HK3: variants seen among roughly 807,000 people sequenced by gnomAD.
HK3 encodes the protein hexokinase 3.
In HK3, 93 loss-of-function variants were observed where a neutral mutation model predicts 91.0. The ratio of observed to expected loss-of-function variants is 1.02; its 90% confidence interval spans 0.86 to 1.21. The LOEUF (loss-of-function observed/expected upper bound fraction) is 1.21. HK3 is among the 50% of genes most tolerant of loss of function. HK3 has a pLI of 0.00. For synonymous variants in HK3, 519 were observed against 516.9 expected, an observed-to-expected ratio of 1.00 and a Z score of -0.06; for missense variants, 1,235 against 1,247.4, an observed-to-expected ratio of 0.99 and a Z score of 0.15.
Position 176,881,080 on chromosome 5 carries a change from C to T in HK3, c.2765G>A (p.Arg922His), listed in dbSNP as rs150401292. Reference protein sequence around the residue: ...AVACRLAQLTRV With the variant: ...AVACRLAQLTHV ...CTCAGCCTGGAGGTTTCCTCAGACA[C>T]GAGTCAACTGCGCAAGGCGGCAGGC... The change falls in exon 19 of 19, where the codon CGT (arginine) becomes CAT (histidine). Residue 922 changes from arginine to histidine, a missense_variant. By Grantham distance (29) the Arg-to-His change is conservative (BLOSUM62 0). This residue lies in a region of HK3 where 513 missense variants were observed against 477.4 expected (regional missense o/e 1.07). Coordinates refer to ENST00000292432, the MANE Select transcript of HK3 (RefSeq NM_002115.3). 1.9e-4 allele frequency: 305 copies of T among 1,602,366 alleles called. No homozygotes were observed. Among genetic ancestry groups the T allele is most frequent in the African/African-American group, 2.5e-4 (19 of 74,586 alleles).
Position 176,890,934 on chromosome 5 carries a change from T to A in HK3, c.422A>T (p.Asp141Val), listed in dbSNP as rs1380523842. Residue 141 changes from aspartate (D) to valine (V), a missense_variant, in exon 5 of 19, where the codon GAC (aspartate) becomes GTC (valine). Physicochemically the swap from Asp to Val is radical, Grantham distance 152 (BLOSUM62 -3). Transcript: ENST00000292432. ...CTCAGACAGGCAGTGGGCAGCAAAG[T>A]CAAAGAGCTGCAGGAGAAGTGGGGG... is the stretch of plus-strand genomic sequence containing the variant. ...VMLGAGQQLF[D>V]FAAHCLSEFL... The A allele has an allele frequency of 1.2e-6, 2 of 1,613,834 alleles. No individual in the cohort carries two copies. The highest frequency in any genetic ancestry group is 1.7e-6 in the Non-Finnish European group (2 of 1,180,032).
intron 2 of HK3, among the ~76,000 whole-genome samples, chr5:176,894,567 T>G (rs902064066): frequency 6.6e-6 from 1 of 151,998 alleles, no homozygotes; most frequent in African/African-American, 2.4e-5. Flanking sequence ...GGCACGGCTG[T>G]GGGTCAGGCA....
At position 176,887,137 on chromosome 5, in the gene HK3, G is replaced by C. The variant is rs199959201; in HGVS notation, c.1738-16C>G. ...GGTCAAAGAGCTGTGGGGCAGGACA[G>C]GTCAGGCGTAGGCACTGCTCAGCCC... On this transcript the variant is annotated splice_polypyrimidine_tract_variant and intron_variant, in intron 12 of 18. Coordinates refer to ENST00000292432, the MANE Select transcript of HK3 (RefSeq NM_002115.3). The surrounding 1 kb of genome is among the most constrained non-coding windows in gnomAD (Gnocchi z 4.9). The C allele has an allele frequency of 1.9e-6, 3 of 1,614,108 alleles. No homozygotes were observed. Among genetic ancestry groups the C allele is most frequent in the Non-Finnish European group, 2.5e-6 (3 of 1,180,050 alleles).
In HK3 at chr5:176,881,298, T is replaced by C; in HGVS notation, c.2627+4A>G. The C allele has an allele frequency of 6.2e-7, 1 of 1,613,580 alleles. No homozygotes were observed. The highest frequency in any genetic ancestry group is 8.5e-7 in the Non-Finnish European group (1 of 1,179,852). ...CCCTCCCCAGCCCGCACACCCAGACTCACCGCGGGTGCAGCTTGTAGAGCG... is the reference window on the plus strand; with the variant it reads ...CCCTCCCCAGCCCGCACACCCAGACCCACCGCGGGTGCAGCTTGTAGAGCG... On this transcript the variant is annotated splice_donor_region_variant and intron_variant, in intron 18 of 18. Transcript: ENST00000292432.
At chr5:176,898,686 G>T (rs1240876372) in intron 1 of HK3, among the ~76,000 whole-genome samples, 2 of 152,208 alleles carry the variant, frequency 1.3e-5, no homozygotes, top group Non-Finnish European at 2.9e-5. Flanking sequence ...TGTGGGGAGG[G>T]ACATGTCTCC....
rs1198487028 is a variant in HK3 at position 176,891,469 on chromosome 5, G to C, written c.178C>G (p.Gln60Glu). ...GGGCTGGCCTGTCCCCTCAGCGCCT[G>C]CTCCATGGAACCCAAGAGGCTGGCT... ...IQASLLGSME[Q>E]ALRGQASPAP... The change falls in exon 3 of 19, where the codon CAG becomes GAG. Residue 60 changes from glutamine (Q) to glutamate (E), a missense_variant. Around this residue, in one of 3 missense-constraint regions of HK3, gnomAD observed 717 missense variants for 751.6 expected, o/e 0.95. Coordinates refer to ENST00000292432, the MANE Select transcript of HK3 (RefSeq NM_002115.3). 2 of 1,614,184 alleles carry C rather than the reference G, an allele frequency of 1.2e-6. No homozygotes were observed. Among genetic ancestry groups the C allele is most frequent in the Admixed American group, 3.3e-5 (2 of 60,026 alleles).
At chr5:176,893,691 C>T (rs1758835877) in intron 2 of HK3, among the ~76,000 whole-genome samples, 1 of 152,140 alleles carries the variant, frequency 6.6e-6, no homozygotes, top group Non-Finnish European at 1.5e-5. Context: ...AAGTCAATGG[C>T]TTGGGCAAAT....
chr5:176,882,195 A>G, intron 15 of HK3, 68 bp from the exon 16 acceptor site: 1 of 1,535,620 alleles, frequency 6.5e-7, no homozygotes, highest in Non-Finnish European at 8.9e-7. Flanking sequence ...AGCACTTCCC[A>G]TACCGAGATG....
At chr5:176,882,674 C>T (rs772724575) in intron 15 of HK3, among the ~76,000 whole-genome samples, 3 of 152,240 alleles carry the variant, frequency 2.0e-5, no homozygotes, top group Admixed American at 1.3e-4. Flanking sequence ...CGGGGCGAGT[C>T]TCTGCCAACA....
intron 8 of HK3, 84 bp downstream of exon 8, chr5:176,889,297 T>G: frequency 6.9e-7 from 1 of 1,454,634 alleles, no homozygotes; most frequent in East Asian, 2.3e-5. Context: ...CCTAAGGGCC[T>G]GAGAACAGGG....
Position 176,881,995 on chromosome 5 carries a change from G to A in HK3, c.2186C>T (p.Thr729Ile). Residue 729 changes from threonine (T) to isoleucine (I), a missense_variant, in exon 16 of 19, where the codon ACC becomes ATC. Around this residue, in one of 3 missense-constraint regions of HK3, gnomAD observed 513 missense variants for 477.4 expected, o/e 1.07. Coordinates refer to ENST00000292432, the MANE Select transcript of HK3 (RefSeq NM_002115.3). ...GDDGSLAMLS[T>I]RFDASVDQAS... is the part of the protein sequence containing the mutation. ...CTGGTCCACACTTGCATCAAAGCGG[G>A]TGCTGAGCATGGCCAGAGAGCCATC... is the stretch of plus-strand genomic sequence containing the variant. 1 of 1,613,516 alleles carries A rather than the reference G, an allele frequency of 6.2e-7. No individual in the cohort carries two copies. Among genetic ancestry groups the A allele is most frequent in the African/African-American group, 1.3e-5 (1 of 75,032 alleles).
intron 15 of HK3, among the ~76,000 whole-genome samples, 195 bp from the exon 16 acceptor site, chr5:176,882,322 C>T (rs891584271): frequency 1.3e-5 from 2 of 152,188 alleles, no homozygotes; most frequent in Non-Finnish European, 1.5e-5. Context: ...GCCCTGGGGA[C>T]CTTCACTGCC....
chr5:176,897,993 A>G (rs1459193698), intron 1 of HK3, among the ~76,000 whole-genome samples: 1 of 152,186 alleles, frequency 6.6e-6, no homozygotes, highest in East Asian at 1.9e-4. Flanking sequence ...GACTGGAGAC[A>G]TCGAAGTGTG....
In HK3 at chr5:176,884,091, C is replaced by T; in HGVS notation, c.1901G>A (p.Cys634Tyr). 6.2e-7 allele frequency: 1 copy of T among 1,614,166 alleles called. No individual in the cohort carries two copies. The highest frequency in any genetic ancestry group is 8.5e-7 in the Non-Finnish European group (1 of 1,180,038). The change falls in exon 14 of 19, where the codon TGC becomes TAC. Residue 634 changes from cysteine to tyrosine, a missense_variant. Physicochemically the swap from Cys to Tyr is radical, Grantham distance 194. This residue lies in a region of HK3 where 513 missense variants were observed against 477.4 expected (regional missense o/e 1.07). Coordinates refer to ENST00000292432, the MANE Select transcript of HK3 (RefSeq NM_002115.3). The surrounding 1 kb of genome is among the most constrained non-coding windows in gnomAD (Gnocchi z 4.1). ...CAGACTCACGACATCTTGGCCCTCGCAGTCTGATGCCTTGAAACCCTTGGT... is the reference window on the plus strand; with the variant it reads ...CAGACTCACGACATCTTGGCCCTCGTAGTCTGATGCCTTGAAACCCTTGGT... ...NWTKGFKASD[C>Y]EGQDVVSLLR...
chr5:176,882,727 G>T (rs1425142204), intron 15 of HK3, among the ~76,000 whole-genome samples: 1 of 152,208 alleles, frequency 6.6e-6, no homozygotes, highest in Non-Finnish European at 1.5e-5. Context: ...AATCCAAGAA[G>T]CACAGAAAGA....
In HK3 at chr5:176,890,654, T is replaced by C; in HGVS notation, c.611A>G (p.Asp204Gly). The C allele has an allele frequency of 6.2e-7, 1 of 1,614,014 alleles. No homozygotes were observed. The highest frequency in any genetic ancestry group is 8.5e-7 in the Non-Finnish European group (1 of 1,179,940). Residue 204 changes from aspartate (D) to glycine (G), a missense_variant, in exon 6 of 19, where the codon GAT becomes GGT. By Grantham distance (94) the Asp-to-Gly change is moderately conservative (BLOSUM62 -1). Around this residue, in one of 3 missense-constraint regions of HK3, gnomAD observed 717 missense variants for 751.6 expected, o/e 0.95. Transcript: ENST00000292432. The part of the protein sequence containing the change: ...EGQDVVQLLR[D>G]AIRRQGAYNI... ...ACTCACCCCCTGCCTCCGAATGGCA[T>C]CTCTCAGCAGCTGGACCACATCCTG...
rs563411986 is a variant in HK3, at chr5:176,897,792, G to A, written c.-27+1475C>T. Among the ~76,000 whole-genome samples, 11 of 152,042 alleles carry A rather than the reference G, an allele frequency of 7.2e-5. No homozygotes were observed. The East Asian group carries it at 1.4e-3, about 19-fold the overall frequency. On this transcript the variant is annotated intron_variant, in intron 1 of 18. Transcript: ENST00000292432. The stretch of plus-strand genomic sequence containing the variant: ...CCTCCCTCTACACTCCCTTTATCTC[G>A]CCCATTCCCAAGGTTTCATTAATAG...
At position 176,889,441 on chromosome 5, in the gene HK3, G is replaced by C. The variant is rs1397995590; in HGVS notation, c.854C>G (p.Pro285Arg). Residue 285 changes from proline (P) to arginine (R), a missense_variant, in exon 8 of 19, where the codon CCA becomes CGA. This residue lies in a region of HK3 where 717 missense variants were observed against 751.6 expected (regional missense o/e 0.95). Transcript: ENST00000292432. Reference sequence around the variant, plus strand: ...GGTATGGTCGAAGGTGGTCAGCACTGGTCCCAGCGCCCCATCATCGCTGAA... The same window carrying C: ...GGTATGGTCGAAGGTGGTCAGCACTCGTCCCAGCGCCCCATCATCGCTGAA... ...GSFSDDGALG[P>R]VLTTFDHTLD... 1 of 1,614,192 alleles carries C rather than the reference G, an allele frequency of 6.2e-7. No homozygotes were observed. The highest frequency in any genetic ancestry group is 1.7e-5 in the Admixed American group (1 of 60,036).
Position 176,887,345 on chromosome 5 carries a change from G to A in HK3, c.1601-8C>T, listed in dbSNP as rs1204803991. On this transcript the variant is annotated splice_region_variant and splice_polypyrimidine_tract_variant and intron_variant, in intron 11 of 18. Coordinates refer to ENST00000292432, the MANE Select transcript of HK3 (RefSeq NM_002115.3). The surrounding 1 kb of genome is among the most constrained non-coding windows in gnomAD (Gnocchi z 4.9). Reference sequence around the variant, plus strand: ...CCAGGAAATCCCCTCGCTCTGTGGGGGCAGAGACCCTCAGTGCCGGGATAG... The same window carrying A: ...CCAGGAAATCCCCTCGCTCTGTGGGAGCAGAGACCCTCAGTGCCGGGATAG... 1.2e-6 allele frequency: 2 copies of A among 1,613,906 alleles called. No individual in the cohort carries two copies. Among genetic ancestry groups the A allele is most frequent in the Non-Finnish European group, 8.5e-7 (1 of 1,180,040 alleles).
Sources: allele counts gnomAD v4.1 joint callset (sites outside exome capture counted in the v4.1 genomes callset), GRCh38; gene constraint gnomAD v4.1.1; regional missense constraint gnomAD v4.1.1; non-coding constraint Gnocchi (gnomAD v3.1); transcripts MANE v1.5; gene names NCBI Gene and HGNC (gene_info 2026-07-23, HGNC 2026-07-21).